The following MAOB variants were observed in gnomAD, a reference collection of about 807,000 sequenced individuals.
The protein encoded by MAOB is monoamine oxidase B, also known as amine oxidase [flavin-containing] B.
In MAOB, 15 loss-of-function variants were observed where a neutral mutation model predicts 41.9. That is an observed-to-expected ratio of 0.36 (90% confidence interval 0.24 to 0.55). The LOEUF (loss-of-function observed/expected upper bound fraction) is 0.55. MAOB is among the 20% of genes least tolerant of loss of function. MAOB has a pLI of 0.86. For missense variants in MAOB, 345 were observed against 398.7 expected, an observed-to-expected ratio of 0.87 and a Z score of 1.15; for synonymous variants, 167 against 144.2, an observed-to-expected ratio of 1.16 and a Z score of -1.13.
At chrX:43,809,565 T>TA (rs2034716719) in intron 3 of MAOB, among the ~76,000 whole-genome samples, 2 of 112,223 alleles carry the variant, frequency 1.8e-5, no homozygotes, top group Admixed American at 9.4e-5. Flanking sequence ...GTTAGACTCA[T>TA]AAAAATTTGC....
intron 3 of MAOB, among the ~76,000 whole-genome samples, chrX:43,833,308 G>A (rs181738240): frequency 9.0e-6 from 1 of 111,260 alleles, no homozygotes; most frequent in East Asian, 2.8e-4. Flanking sequence ...GGTGGTTGCA[G>A]AGGCCAAGAG....
At position 43,882,117 on chromosome X, in the gene MAOB, C is replaced by G; in HGVS notation, c.46+137G>C. On this transcript the variant is annotated intron_variant, in intron 1 of 14. Transcript: ENST00000378069. ...TTCAGTGCACGGCGCTCTGGACCCA[C>G]TAGAGCCCTGCCCGTGCGTGGACAG... 9 of 1,072,904 alleles carry G rather than the reference C, an allele frequency of 8.4e-6. No homozygotes were observed. The South Asian group carries it at 2.1e-4, about 25-fold the overall frequency. The allele number at this position is 1,072,904 out of a possible 1,213,427, so 88.4% of individuals were successfully genotyped here. A position where few individuals can be genotyped will look rare whatever the true frequency, so the allele number is the denominator to read the frequency against.
rs113880924 is a variant in MAOB, at chrX:43,816,810, G to T, written c.280-13406C>A. Reference sequence around the variant, plus strand: ...TTTGGATTCCAGTGGCATTGGATTTGGAGTGGTCACCGTAATAGGTGACAT... The same window carrying T: ...TTTGGATTCCAGTGGCATTGGATTTTGAGTGGTCACCGTAATAGGTGACAT... On this transcript the variant is annotated intron_variant, in intron 3 of 14. Coordinates refer to ENST00000378069, the MANE Select transcript of MAOB (RefSeq NM_000898.5). Among the ~76,000 whole-genome samples the T allele has an allele frequency of 7.0e-3, 779 of 111,911 alleles. 12 individuals carry two copies. The highest frequency in any genetic ancestry group is 0.024 in the African/African-American group (753 of 30,776).
At chrX:43,835,004 A>T (rs1376870092) in intron 3 of MAOB, among the ~76,000 whole-genome samples, 1 of 112,160 alleles carries the variant, frequency 8.9e-6, no homozygotes, top group African/African-American at 3.2e-5. Context: ...GTTTTACCAG[A>T]CTTTACTTTC....
intron 1 of MAOB, among the ~76,000 whole-genome samples, chrX:43,865,915 G>A (rs1175390218): frequency 9.1e-6 from 1 of 110,346 alleles, no homozygotes; most frequent in African/African-American, 3.3e-5. Context: ...CTAGGTCAGG[G>A]GTGGGAGGGA....
At chrX:43,823,782 G>C (rs1424701325) in intron 3 of MAOB, among the ~76,000 whole-genome samples, 1 of 111,834 alleles carries the variant, frequency 8.9e-6, no homozygotes, top group Admixed American at 9.5e-5. Context: ...TTGTGCTCAG[G>C]AAGTCGGTCA....
At chrX:43,778,518 CT>C (rs2034288430) in intron 11 of MAOB, among the ~76,000 whole-genome samples, 163 bp downstream of exon 11, 1 of 111,979 alleles carries the variant, frequency 8.9e-6, no homozygotes, top group Admixed American at 9.5e-5. Context: ...CCCACACTCT[CT>C]GGAACCACTT....
chrX:43,819,652 T>TA (rs1236932356), intron 3 of MAOB, among the ~76,000 whole-genome samples: 2 of 111,944 alleles, frequency 1.8e-5, no homozygotes, highest in African/African-American at 6.5e-5. Context: ...TAGCAATGTC[T>TA]AAAAAATCTC....
intron 1 of MAOB, among the ~76,000 whole-genome samples, chrX:43,858,906 G>T (rs147970881): frequency 0.026 from 2,908 of 111,857 alleles, 48 homozygotes; most frequent in Non-Finnish European, 0.042. Flanking sequence ...GCCAAAACAA[G>T]CTGGCAATGT....
At chrX:43,843,951 G>A (rs2035171502) in intron 1 of MAOB, 187 bp from the exon 2 acceptor site, 1 of 967,964 alleles carries the variant, frequency 1.0e-6, no homozygotes, top group East Asian at 4.0e-5. Context: ...ACGACAAAAG[G>A]GATTTCATTT....
chrX:43,771,281 A>G (rs1281643796), intron 12 of MAOB, among the ~76,000 whole-genome samples: 1 of 112,320 alleles, frequency 8.9e-6, no homozygotes, highest in Non-Finnish European at 1.9e-5. Flanking sequence ...AAAACTTGAC[A>G]TGAAATATTC....
chrX:43,877,320 C>T (rs1310939353), intron 1 of MAOB, among the ~76,000 whole-genome samples: 2 of 110,658 alleles, frequency 1.8e-5, no homozygotes, highest in East Asian at 5.7e-4. Flanking sequence ...AAGCCTTAAA[C>T]CTGCCCTGGT....
intron 7 of MAOB, among the ~76,000 whole-genome samples, chrX:43,795,015 A>C (rs955080956): frequency 1.4e-4 from 16 of 110,843 alleles, no homozygotes; most frequent in African/African-American, 5.3e-4. Context: ...TAAGCAAGCA[A>C]GCAATTCTAT....
At chrX:43,847,389 C>T (rs1480366472) in intron 1 of MAOB, among the ~76,000 whole-genome samples, 1 of 110,962 alleles carries the variant, frequency 9.0e-6, no homozygotes, top group Non-Finnish European at 1.9e-5. Context: ...TAACAGCCAC[C>T]ATCATAACTC....
intron 1 of MAOB, among the ~76,000 whole-genome samples, chrX:43,860,203 T>G (rs2035322888): frequency 8.9e-6 from 1 of 111,980 alleles, no homozygotes; most frequent in Non-Finnish European, 1.9e-5. Flanking sequence ...CTTTTGAGCC[T>G]CTTCTTTTTT....
At chrX:43,793,335 G>C in intron 8 of MAOB, 84 bp downstream of exon 8, 1 of 742,141 alleles carries the variant, frequency 1.3e-6, no homozygotes, top group Non-Finnish European at 2.0e-6. Context: ...TAAAATAAAA[G>C]TTGACATTTT....
intron 9 of MAOB, among the ~76,000 whole-genome samples, chrX:43,780,797 G>A (rs1188738941): frequency 9.0e-6 from 1 of 111,676 alleles, no homozygotes; most frequent in African/African-American, 3.3e-5. Flanking sequence ...TGTCTCCCTA[G>A]CACCCAACCT....
chrX:43,863,387 G>A (rs983220379), intron 1 of MAOB, among the ~76,000 whole-genome samples: 14 of 111,094 alleles, frequency 1.3e-4, no homozygotes, highest in African/African-American at 4.2e-4. Flanking sequence ...AAAATCAGGT[G>A]AAAAGATAAA....
chrX:43,814,180 C>G (rs754935581), intron 3 of MAOB, among the ~76,000 whole-genome samples: 1 of 110,907 alleles, frequency 9.0e-6, no homozygotes, highest in South Asian at 3.9e-4. Flanking sequence ...TCTTTTCCAA[C>G]TGGACTGTCC....
Sources: gnomAD v4.1 joint callset for allele counts (sites outside exome capture counted in the v4.1 genomes callset) on GRCh38, gnomAD v4.1.1 for gene constraint, MANE v1.5 for transcripts, NCBI Gene and HGNC (gene_info 2026-07-23, HGNC 2026-07-21) for gene names.